The following LHFPL4 variants were observed in gnomAD, a reference collection of about 807,000 sequenced individuals.
LHFPL4 encodes LHFPL tetraspan subfamily member 4 protein.
LHFPL4 carries 6 observed loss-of-function variants against 20.0 expected under a neutral mutation model. The ratio of observed to expected loss-of-function variants is 0.30; its 90% CI spans 0.16 to 0.59. LHFPL4 has a LOEUF of 0.59. LHFPL4 is among the 20% of genes least tolerant of loss of function. LHFPL4 has a pLI of 0.88. For missense variants in LHFPL4, 215 were observed against 331.2 expected, an observed-to-expected ratio of 0.65 and a Z score of 2.72; for synonymous variants, 129 against 143.8, an observed-to-expected ratio of 0.90 and a Z score of 0.74.
chr3:9,507,835 G>A (rs1574837575), intron 2 of LHFPL4, among the ~76,000 whole-genome samples: 2 of 152,226 alleles, frequency 1.3e-5, no homozygotes, highest in South Asian at 2.1e-4. Context: ...TCACAGGGCA[G>A]TCAGAACCCC....
chr3:9,552,788 C>T lies in LHFPL4; in HGVS notation c.-109G>A. The T allele has an allele frequency of 1.7e-6, 1 of 601,306 alleles. No homozygotes were observed. Among genetic ancestry groups the T allele is most frequent in the Non-Finnish European group, 2.1e-6 (1 of 465,612 alleles). The allele number at this position is 601,306 out of a possible 1,614,324, so 37.2% of individuals were successfully genotyped here. A position where few individuals can be genotyped will look rare whatever the true frequency, so the allele number is the denominator to read the frequency against. ...CTGGGGACGCACGCGAGAAGCGGCC[C>T]TGAGTCAAGGAACCCGCGAGGGCGG... On this transcript the variant is annotated 5_prime_UTR_variant, in exon 2 of 4. Coordinates refer to ENST00000287585, the MANE Select transcript of LHFPL4 (RefSeq NM_198560.3).
At chr3:9,519,544 T>C (rs2046325110) in intron 2 of LHFPL4, among the ~76,000 whole-genome samples, 1 of 152,198 alleles carries the variant, frequency 6.6e-6, no homozygotes, top group African/African-American at 2.4e-5. Context: ...CTTTTGTTTC[T>C]CTGCTTTCTC....
At chr3:9,521,803 C>T (rs1057464369) in intron 2 of LHFPL4, among the ~76,000 whole-genome samples, 3 of 151,994 alleles carry the variant, frequency 2.0e-5, no homozygotes, top group African/African-American at 7.2e-5. Flanking sequence ...TCTTAAAAGA[C>T]AACATATAAC....
intron 2 of LHFPL4, among the ~76,000 whole-genome samples, chr3:9,534,552 A>G (rs1261245320): frequency 6.6e-6 from 1 of 152,224 alleles, no homozygotes; most frequent in Non-Finnish European, 1.5e-5. Context: ...GACACTGACA[A>G]CCTTGGCTCC....
At chr3:9,526,695 T>C (rs2046377829) in intron 2 of LHFPL4, among the ~76,000 whole-genome samples, 1 of 152,122 alleles carries the variant, frequency 6.6e-6, no homozygotes, top group South Asian at 2.1e-4. Context: ...GTCATTAGGG[T>C]GGGCTCTAAG....
intron 2 of LHFPL4, among the ~76,000 whole-genome samples, chr3:9,519,927 GA>G (rs1271725221): frequency 6.6e-6 from 1 of 152,154 alleles, no homozygotes; most frequent in Non-Finnish European, 1.5e-5. Context: ...CCAAAGTGCT[GA>G]GATTGTAGGT....
chr3:9,521,170 G>T (rs764740937), intron 2 of LHFPL4, among the ~76,000 whole-genome samples: 38 of 151,430 alleles, frequency 2.5e-4, no homozygotes, highest in Non-Finnish European at 4.6e-4. Flanking sequence ...TCTTTGCCAT[G>T]AAGTTTGCTT....
intron 2 of LHFPL4, among the ~76,000 whole-genome samples, chr3:9,524,587 G>T (rs1019882839): frequency 1.3e-5 from 2 of 152,060 alleles, no homozygotes; most frequent in African/African-American, 4.8e-5. Flanking sequence ...TTTATCTCTA[G>T]CATTTATTTT....
intron 2 of LHFPL4, among the ~76,000 whole-genome samples, chr3:9,518,921 T>TTTTATTTATTTA (rs1553647111): frequency 1.8e-5 from 2 of 109,024 alleles, no homozygotes; most frequent in Non-Finnish European, 4.5e-5. Context: ...ATTGGCTAAT[T>TTTTATTTATTTA]TTTGTTTATT....
chr3:9,504,694 G>C (rs1039296997), intron 3 of LHFPL4, among the ~76,000 whole-genome samples: 12 of 151,776 alleles, frequency 7.9e-5, no homozygotes, highest in African/African-American at 2.7e-4. Context: ...GCGTGGTGGC[G>C]GGTGCCTGTA....
In LHFPL4 at chr3:9,552,417, G is replaced by T. The variant is rs1328183029; in HGVS notation, c.263C>A (p.Pro88Gln). The change falls in exon 2 of 4, where the codon CCG becomes CAG. Residue 88 changes from proline to glutamine, a missense_variant. Pro to Gln is a moderately conservative substitution (Grantham distance 76). Coordinates refer to ENST00000287585, the MANE Select transcript of LHFPL4 (RefSeq NM_198560.3). ...RGSFTDFSTI[P>Q]SSAFKAAAFF... The stretch of plus-strand genomic sequence containing the variant: ...GGCGGCCGCCTTGAAGGCGCTGGAC[G>T]GGATGGTGCTGAAGTCGGTGAAGGA... 6.2e-7 allele frequency: 1 copy of T among 1,613,838 alleles called. No individual in the cohort carries two copies. The highest frequency in any genetic ancestry group is 1.3e-5 in the African/African-American group (1 of 75,074).
intron 2 of LHFPL4, among the ~76,000 whole-genome samples, chr3:9,518,115 A>G (rs1291082222): frequency 2.0e-5 from 3 of 152,038 alleles, no homozygotes; most frequent in East Asian, 1.9e-4. Flanking sequence ...TTTATTGTGA[A>G]TAGGTGTTAA....
chr3:9,553,339 G>A (rs1430295466), intron 1 of LHFPL4, among the ~76,000 whole-genome samples: 1 of 150,626 alleles, frequency 6.6e-6, no homozygotes, highest in East Asian at 2.0e-4. Context: ...AGGGCAAAGT[G>A]GCAGAATTAG....
chr3:9,523,450 C>CTTTATTTA (rs199544534), intron 2 of LHFPL4, among the ~76,000 whole-genome samples: 74 of 147,984 alleles, frequency 5.0e-4, no homozygotes, highest in African/African-American at 1.5e-3. Context: ...GAGACAGAGT[C>CTTTATTTA]TTTATTTATT....
intron 2 of LHFPL4, among the ~76,000 whole-genome samples, chr3:9,547,655 C>A (rs926859164): frequency 1.3e-5 from 2 of 152,168 alleles, no homozygotes; most frequent in Non-Finnish European, 2.9e-5. Flanking sequence ...TAAATGGGAA[C>A]AACCGGGTAA....
rs1291678607 is a variant in LHFPL4, at chr3:9,506,331, C to T, written c.407-128G>A. ...ATCAACCCAACCACGTGCTTGTTAC[C>T]CACTTCCACAGAGGGAGAAAGAGAG... On this transcript the variant is annotated intron_variant, in intron 2 of 3. Transcript: ENST00000287585. The surrounding 1 kb of genome is among the most constrained non-coding windows in gnomAD (Gnocchi z 4.5). 1 of 702,226 alleles carries T rather than the reference C, an allele frequency of 1.4e-6. No homozygotes were observed. The highest frequency in any genetic ancestry group is 2.5e-6 in the Non-Finnish European group (1 of 396,824). 43.5% of individuals were successfully genotyped at this position (702,226 alleles called of 1,614,324 possible).
At chr3:9,540,716 G>C (rs1275538374) in intron 2 of LHFPL4, among the ~76,000 whole-genome samples, 1 of 150,708 alleles carries the variant, frequency 6.6e-6, no homozygotes, top group Non-Finnish European at 1.5e-5. Context: ...AACATAGCAA[G>C]AATCTGTCTT....
intron 3 of LHFPL4, 41 bp downstream of exon 3, chr3:9,505,926 C>T: frequency 1.3e-6 from 2 of 1,564,094 alleles, no homozygotes; most frequent in Non-Finnish European, 1.8e-6. Context: ...CAGGACCAGG[C>T]CTGGCTCCCG....
chr3:9,542,481 T>A (rs913285535), intron 2 of LHFPL4, among the ~76,000 whole-genome samples: 3 of 151,822 alleles, frequency 2.0e-5, no homozygotes, highest in Admixed American at 6.6e-5. Flanking sequence ...ACTTTGAAAA[T>A]GTTATGCTAA....
Sources: allele counts gnomAD v4.1 joint callset (sites outside exome capture counted in the v4.1 genomes callset), GRCh38; gene constraint gnomAD v4.1.1; non-coding constraint Gnocchi (gnomAD v3.1); transcripts MANE v1.5; gene names NCBI Gene and HGNC (gene_info 2026-07-23, HGNC 2026-07-21).